NFS1: variants seen among roughly 807,000 people sequenced by gnomAD.
NFS1 encodes cysteine desulfurase.
A neutral mutation model predicts 57.3 loss-of-function variants in NFS1; 26 were observed. That is an observed-to-expected ratio of 0.45 (90% CI 0.33 to 0.63). The LOEUF (loss-of-function observed/expected upper bound fraction) is 0.63. Among genes scored for constraint, NFS1 ranks in the 20% least tolerant of loss-of-function variants. The pLI, the probability that NFS1 is intolerant of heterozygous loss-of-function variation, is 0.02. For synonymous variants in NFS1, 209 were observed against 216.3 expected (o/e 0.97, Z 0.30); for missense variants, 505 against 605.8 (o/e 0.83, Z 1.75).
intron 5 of NFS1, among the ~76,000 whole-genome samples, chr20:35,688,268 A>G (rs531648181): frequency 1.3e-5 from 2 of 151,366 alleles, no homozygotes; most frequent in African/African-American, 4.9e-5. Flanking sequence ...AAAAAAATTT[A>G]GCCAGGCCAG....
intron 5 of NFS1, among the ~76,000 whole-genome samples, chr20:35,688,653 G>A (rs770563119): frequency 4.6e-5 from 7 of 152,004 alleles, no homozygotes; most frequent in Non-Finnish European, 1.0e-4. Context: ...AGGCCACAGT[G>A]AGCTATGACC....
Position 35,676,758 on chromosome 20 carries a change from G to GAAAAAAAAAAAAAAA in NFS1, c.791-1571_791-1557dup, listed in dbSNP as rs746820595. ...GCCTCCCAATAACCAGAGAAAATCA[G>GAAAAAAAAAAAAAAA]AAAAAAAAAAAAAAAAAAAAAAAAA... On this transcript the variant is annotated intron_variant, in intron 7 of 12. Transcript: ENST00000374092. Among the ~76,000 whole-genome samples, 21 of 18,120 alleles carry GAAAAAAAAAAAAAAA rather than the reference G, an allele frequency of 1.2e-3. 1 individual carries two copies. The highest frequency in any genetic ancestry group is 2.7e-3 in the Admixed American group (3 of 1,092). The allele number at this position is 18,120 out of a possible 152,430, so 11.9% of individuals were successfully genotyped here.
At chr20:35,682,059 A>T in intron 5 of NFS1, 78 bp from the exon 6 acceptor site, 3 of 768,318 alleles carry the variant, frequency 3.9e-6, no homozygotes, top group Non-Finnish European at 6.9e-6. Context: ...AAACTTAGTC[A>T]TGAAAAGGAG....
At chr20:35,676,643 T>G (rs6060548) in intron 7 of NFS1, among the ~76,000 whole-genome samples, 1 of 151,254 alleles carries the variant, frequency 6.6e-6, no homozygotes, top group Non-Finnish European at 1.5e-5. Context: ...GAGTACAGTA[T>G]GCTATCATCT....
intron 5 of NFS1, among the ~76,000 whole-genome samples, chr20:35,687,277 G>C (rs138231196): frequency 6.6e-6 from 1 of 152,326 alleles, no homozygotes; most frequent in Non-Finnish European, 1.5e-5. Flanking sequence ...CTGTGCTTCA[G>C]TGGTCACACT....
At position 35,699,053 on chromosome 20, in the gene NFS1, G is replaced by C; in HGVS notation, c.97+139C>G. On this transcript the variant is annotated intron_variant, in intron 1 of 12. Transcript: ENST00000374092. This position sits in a 1 kb window ranked among gnomAD's most constrained non-coding sequence, Gnocchi z 4.4. ...ACCGTTCGGGGACCCGCCTAAGAAA[G>C]TTTGAGGGATGTGTCATTTGAGAGA... 4 of 1,323,908 alleles carry C rather than the reference G, an allele frequency of 3.0e-6. No individual in the cohort carries two copies. The highest frequency in any genetic ancestry group is 3.8e-6 in the Non-Finnish European group (4 of 1,039,684). The allele number at this position is 1,323,908 out of a possible 1,614,324, so 82.0% of individuals were successfully genotyped here.
chr20:35,669,421 A>G lies in NFS1; in HGVS notation c.*201T>C. ...CACACACTTTAAGACCCGAGAAGAA[A>G]TGGGGAGTGCTCCACACCCAAGGAA... On this transcript the variant is annotated 3_prime_UTR_variant, in exon 13 of 13. Coordinates refer to ENST00000374092, the MANE Select transcript of NFS1 (RefSeq NM_021100.5). 1 of 549,050 alleles carries G rather than the reference A, an allele frequency of 1.8e-6. No homozygotes were observed. Among genetic ancestry groups the G allele is most frequent in the Non-Finnish European group, 3.3e-6 (1 of 301,918 alleles). The allele number at this position is 549,050 out of a possible 1,614,324, so 34.0% of individuals were successfully genotyped here.
chr20:35,670,985 G>C (rs954014388), intron 12 of NFS1, among the ~76,000 whole-genome samples: 6 of 152,206 alleles, frequency 3.9e-5, no homozygotes, highest in African/African-American at 1.4e-4. Flanking sequence ...AACCAAGACA[G>C]AGCCAGGCTC....
chr20:35,687,244 G>C lies in NFS1; in HGVS notation c.561+3169C>G, dbSNP rs2034961233. On this transcript the variant is annotated intron_variant, in intron 5 of 12. Transcript: ENST00000374092. ...TCAGGCCTGCCCGCAGTTATCTGGA[G>C]GCCTAACCGTCTCCCTGTGATGCTG... is the stretch of plus-strand genomic sequence containing the variant. 4.6e-5 allele frequency among the ~76,000 whole-genome samples: 7 copies of C among 152,154 alleles called. No homozygotes were observed. In the South Asian group the frequency reaches 1.5e-3, roughly 32 times the overall value.
Position 35,681,890 on chromosome 20 carries a change from A to C in NFS1, c.653T>G (p.Ile218Arg). 6.3e-7 allele frequency: 1 copy of C among 1,596,640 alleles called. No homozygotes were observed. The highest frequency in any genetic ancestry group is 8.6e-7 in the Non-Finnish European group (1 of 1,164,290). The part of the protein sequence containing the change: ...EIGVKQPIAE[I>R]GRICSSRKVY... Reference sequence around the variant, plus strand: ...CAGGGATAAGCCATGATACTCACCTATTTCTGCAATAGGCTGCTTCACTCC... The same window carrying C: ...CAGGGATAAGCCATGATACTCACCTCTTTCTGCAATAGGCTGCTTCACTCC... The change falls in exon 6 of 13, where the codon ATA (isoleucine) becomes AGA (arginine). Residue 218 changes from isoleucine (I) to arginine (R), a missense_variant and splice_region_variant. By Grantham distance (97) the Ile-to-Arg change is moderately conservative. Coordinates refer to ENST00000374092, the MANE Select transcript of NFS1 (RefSeq NM_021100.5).
At chr20:35,688,474 T>C (rs1354407853) in intron 5 of NFS1, among the ~76,000 whole-genome samples, 2 of 151,864 alleles carry the variant, frequency 1.3e-5, no homozygotes, top group Non-Finnish European at 2.9e-5. Context: ...GGAGAATCGT[T>C]TGAACCCAGG....
intron 7 of NFS1, chr20:35,676,002 T>C (rs968908415): frequency 6.6e-6 from 1 of 151,876 alleles, no homozygotes. Context: ...CAAAGATGTA[T>C]TGGCCGGGCG....
chr20:35,696,085 C>G (rs2035129004), intron 4 of NFS1, among the ~76,000 whole-genome samples: 1 of 151,982 alleles, frequency 6.6e-6, no homozygotes, highest in African/African-American at 2.4e-5. Flanking sequence ...CCATTATCCA[C>G]TCTCTGAAGT....
Position 35,699,143 on chromosome 20 carries a change from C to A in NFS1, c.97+49G>T. The A allele has an allele frequency of 1.5e-6, 2 of 1,373,110 alleles. No individual in the cohort carries two copies. The highest frequency in any genetic ancestry group is 1.9e-6 in the Non-Finnish European group (2 of 1,070,638). The allele number at this position is 1,373,110 out of a possible 1,614,324, so 85.1% of individuals were successfully genotyped here. On this transcript the variant is annotated intron_variant, in intron 1 of 12. Transcript: ENST00000374092. The surrounding 1 kb of genome is among the most constrained non-coding windows in gnomAD (Gnocchi z 4.4). ...TCCGGAATATTCAGTTGCGTCGCCG[C>A]GCGGAGGGGACAGGTCCGCGCCTCC...
intron 1 of NFS1, chr20:35,698,923 G>T (rs956204411): frequency 1.2e-4 from 159 of 1,308,908 alleles, no homozygotes; most frequent in Non-Finnish European, 1.5e-4. Flanking sequence ...CTGCACGGGA[G>T]CCCGGAGCAG....
chr20:35,673,528 G>T, intron 11 of NFS1, 73 bp downstream of exon 11: 1 of 1,367,106 alleles, frequency 7.3e-7, no homozygotes, highest in South Asian at 1.2e-5. Context: ...GGTGGAAAAA[G>T]AAAAAAACTG....
chr20:35,698,422 C>T, intron 2 of NFS1, 59 bp downstream of exon 2: 2 of 1,255,014 alleles, frequency 1.6e-6, no homozygotes, highest in Non-Finnish European at 2.3e-6. Context: ...CATTTCTTTG[C>T]GTGATCACGC....
At chr20:35,673,339 G>A (rs1241185041) in intron 11 of NFS1, among the ~76,000 whole-genome samples, 1 of 151,668 alleles carries the variant, frequency 6.6e-6, no homozygotes, top group Non-Finnish European at 1.5e-5. Flanking sequence ...AAAATCACCT[G>A]AGATGTTTTC....
intron 2 of NFS1, 33 bp from the exon 3 acceptor site, chr20:35,697,833 G>A: frequency 6.7e-7 from 1 of 1,486,402 alleles, no homozygotes; most frequent in Non-Finnish European, 9.3e-7. Flanking sequence ...TTTTCCTTGA[G>A]CGCATCGTCA....
Sources: allele counts gnomAD v4.1 joint callset (sites outside exome capture counted in the v4.1 genomes callset), GRCh38; gene constraint gnomAD v4.1.1; non-coding constraint Gnocchi (gnomAD v3.1); transcripts MANE v1.5; gene names NCBI Gene and HGNC (gene_info 2026-07-23, HGNC 2026-07-21).